The following COL10A1 variants were observed in gnomAD, a reference collection of about 807,000 sequenced individuals.
The protein encoded by COL10A1 is collagen alpha-1(X) chain.
A neutral mutation model predicts 18.2 loss-of-function variants in COL10A1; 10 were observed. That is an observed-to-expected ratio of 0.55 (90% CI 0.34 to 0.93). COL10A1 has a LOEUF of 0.93. Among genes scored for constraint, COL10A1 ranks in the 40% least tolerant of loss-of-function variants. The pLI, the probability that COL10A1 is intolerant of heterozygous loss-of-function variation, is 0.02. For synonymous variants in COL10A1, 330 were observed against 316.6 expected, an observed-to-expected ratio of 1.04 and a Z score of -0.45; for missense variants, 897 against 853.5, an observed-to-expected ratio of 1.05 and a Z score of -0.64.
At chr6:116,192,314 T>C in the COL10A1 span, among the ~76,000 whole-genome samples, 1 of 151,032 alleles carries the variant, frequency 6.6e-6, no homozygotes, top group Non-Finnish European at 1.5e-5. Flanking sequence ...TCAATAAATA[T>C]CAGCAGATAA....
intron 1 of COL10A1, among the ~76,000 whole-genome samples, chr6:116,133,346 T>C (rs1355289644): frequency 1.3e-5 from 2 of 152,190 alleles, no homozygotes. Flanking sequence ...GGAGAAATTA[T>C]AGCAAATTAA....
chr6:116,148,000 G>A (rs187295183), intron 1 of COL10A1, among the ~76,000 whole-genome samples: 2 of 148,682 alleles, frequency 1.3e-5, no homozygotes, highest in African/African-American at 5.0e-5. Flanking sequence ...AAAAAAAGGT[G>A]GGGGGGGTTG....
Position 116,120,801 on chromosome 6 carries a change from C to A in COL10A1, c.1315G>T (p.Ala439Ser), listed in dbSNP as rs143685448. 2.2e-5 allele frequency: 35 copies of A among 1,612,698 alleles called. No individual in the cohort carries two copies. The African/African-American group carries it at 4.3e-4, about 20-fold the overall frequency. Residue 439 changes from alanine to serine, a missense_variant, in exon 3 of 3, where the codon GCT becomes TCT. Transcript: ENST00000651968. ...ATTCCAGGGGCACCTCTTGGGCCAGCCTCTCCATTGTGTCCGGGCATTCCC... is the reference window on the plus strand; with the variant it reads ...ATTCCAGGGGCACCTCTTGGGCCAGACTCTCCATTGTGTCCGGGCATTCCC... ...AKGMPGHNGE[A>S]GPRGAPGIPG...
chr6:116,152,990 C>CT (rs1780087406), intron 1 of COL10A1, among the ~76,000 whole-genome samples: 1 of 152,006 alleles, frequency 6.6e-6, no homozygotes, highest in Admixed American at 6.6e-5. Flanking sequence ...GGAATGATTG[C>CT]TTTATACTTT....
the COL10A1 span, among the ~76,000 whole-genome samples, chr6:116,177,256 G>C: frequency 4.6e-5 from 7 of 152,174 alleles, no homozygotes; most frequent in African/African-American, 1.7e-4. Flanking sequence ...TCCCTTGACT[G>C]TTTATAACAT....
chr6:116,126,087 G>T lies in COL10A1; in HGVS notation c.-50C>A, dbSNP rs1779297847. On this transcript the variant is annotated 5_prime_UTR_variant, in exon 1 of 3. Transcript: ENST00000651968. ...GGGAGTTCCTGGAGATGGTGCCTTG[G>T]CAGCTTTCTGAAGCTTCCTCTGCCC... 1 of 154,494 alleles carries T rather than the reference G, an allele frequency of 6.5e-6. No homozygotes were observed. 9.6% of individuals were successfully genotyped at this position (154,494 alleles called of 1,614,324 possible).
chr6:116,155,078 G>C (rs1213609680), intron 1 of COL10A1, among the ~76,000 whole-genome samples: 1 of 152,114 alleles, frequency 6.6e-6, no homozygotes, highest in African/African-American at 2.4e-5. Flanking sequence ...TATTAGGCTG[G>C]TGCAAAAGTA....
At chr6:116,216,960 A>C in the COL10A1 span, among the ~76,000 whole-genome samples, 1 of 152,164 alleles carries the variant, frequency 6.6e-6, no homozygotes, top group South Asian at 2.1e-4. Flanking sequence ...TCTGCAATGG[A>C]AACAACAGAC....
At chr6:116,183,173 C>A in the COL10A1 span, among the ~76,000 whole-genome samples, 15 of 152,052 alleles carry the variant, frequency 9.9e-5, no homozygotes, top group African/African-American at 3.6e-4. Flanking sequence ...TGTCGAAGAT[C>A]AGTAGGCTGT....
At chr6:116,125,700 G>T (rs189117705) in intron 1 of COL10A1, 193 bp from the exon 2 acceptor site, 2 of 458,958 alleles carry the variant, frequency 4.4e-6, no homozygotes, top group Non-Finnish European at 7.8e-6. Context: ...ATTTTTGGAA[G>T]CTATACTCAG....
chr6:116,202,054 A>G, the COL10A1 span, among the ~76,000 whole-genome samples: 1 of 151,968 alleles, frequency 6.6e-6, no homozygotes, highest in Non-Finnish European at 1.5e-5. Flanking sequence ...CATTAACCAC[A>G]TGTGGCTACC....
chr6:116,150,335 G>T (rs1780008376), intron 1 of COL10A1, among the ~76,000 whole-genome samples: 1 of 151,926 alleles, frequency 6.6e-6, no homozygotes, highest in South Asian at 2.1e-4. Flanking sequence ...ACCCAGGAAG[G>T]AATGCAGTGG....
At chr6:116,148,565 A>T (rs185242112) in intron 1 of COL10A1, among the ~76,000 whole-genome samples, 1 of 152,322 alleles carries the variant, frequency 6.6e-6, no homozygotes, top group East Asian at 1.9e-4. Context: ...GAACATGTTA[A>T]TTAATAGAAG....
At chr6:116,155,498 C>A (rs1780165888) in intron 1 of COL10A1, among the ~76,000 whole-genome samples, 1 of 151,986 alleles carries the variant, frequency 6.6e-6, no homozygotes. Flanking sequence ...GTAATACGTA[C>A]TGAATCCAGT....
intron 1 of COL10A1, among the ~76,000 whole-genome samples, chr6:116,146,110 A>G (rs1779893012): frequency 6.6e-6 from 1 of 152,246 alleles, no homozygotes; most frequent in Non-Finnish European, 1.5e-5. Flanking sequence ...GATTATGGTT[A>G]CAGTTAATAC....
chr6:116,215,258 A>G, the COL10A1 span, among the ~76,000 whole-genome samples: 1 of 152,164 alleles, frequency 6.6e-6, no homozygotes, highest in South Asian at 2.1e-4. Context: ...ATATTTTTCC[A>G]GAAACATGAT....
At chr6:116,147,778 A>G (rs914592960) in intron 1 of COL10A1, among the ~76,000 whole-genome samples, 1 of 152,212 alleles carries the variant, frequency 6.6e-6, no homozygotes, top group African/African-American at 2.4e-5. Context: ...CAAATGATGT[A>G]TATACAGGGT....
At chr6:116,139,343 G>A (rs1343811922) in intron 1 of COL10A1, among the ~76,000 whole-genome samples, 8 of 151,970 alleles carry the variant, frequency 5.3e-5, no homozygotes, top group Non-Finnish European at 1.2e-4. Context: ...TGTAGAATTT[G>A]GATAATACAA....
chr6:116,170,950 T>C, the COL10A1 span, among the ~76,000 whole-genome samples: 1 of 152,206 alleles, frequency 6.6e-6, no homozygotes. Context: ...AACCTCATTC[T>C]GTATTTGACC....
Sources: gnomAD v4.1 joint callset for allele counts (sites outside exome capture counted in the v4.1 genomes callset) on GRCh38, gnomAD v4.1.1 for gene constraint, MANE v1.5 for transcripts, NCBI Gene and HGNC (gene_info 2026-07-23, HGNC 2026-07-21) for gene names.